CTNNA3: variants seen among roughly 807,000 people sequenced by gnomAD.
CTNNA3 encodes catenin alpha-3.
CTNNA3 carries 76 observed loss-of-function variants against 95.7 expected under a neutral mutation model. That is an observed-to-expected ratio of 0.79 (90% CI 0.66 to 0.96). The LOEUF is 0.96. CTNNA3 is among the 40% of genes least tolerant of loss of function. The probability of loss-of-function intolerance (pLI) is 0.00; values close to 1 mark genes in which losing one functional copy is unlikely to be tolerated. For missense variants in CTNNA3, 1,191 were observed against 1,089.8 expected, an observed-to-expected ratio of 1.09 and a Z score of -1.31; for synonymous variants, 431 against 374.4, an observed-to-expected ratio of 1.15 and a Z score of -1.74.
chr10:66,050,628 C>T (rs1276722179), intron 15 of CTNNA3, among the ~76,000 whole-genome samples: 1 of 152,162 alleles, frequency 6.6e-6, no homozygotes, highest in East Asian at 1.9e-4. Context: ...AGTTTTGATT[C>T]CAATCCTTTC....
chr10:66,305,197 A>C (rs1003773004), intron 12 of CTNNA3, among the ~76,000 whole-genome samples: 1 of 152,178 alleles, frequency 6.6e-6, no homozygotes, highest in African/African-American at 2.4e-5. Context: ...TTAGAATGAC[A>C]AAAACTATCT....
At chr10:66,942,433 C>T (rs1848045818) in intron 7 of CTNNA3, among the ~76,000 whole-genome samples, 1 of 152,108 alleles carries the variant, frequency 6.6e-6, no homozygotes, top group Non-Finnish European at 1.5e-5. Flanking sequence ...CAGAAAAATT[C>T]TGTTGTTAGT....
chr10:67,173,065 A>G (rs1220166524), intron 7 of CTNNA3, among the ~76,000 whole-genome samples: 1 of 152,212 alleles, frequency 6.6e-6, no homozygotes, highest in Non-Finnish European at 1.5e-5. Flanking sequence ...AGTAAATTAA[A>G]TTCTCTGTGA....
rs577193968 is a variant in CTNNA3, at chr10:66,569,963, G to A, written c.1375-49190C>T. On this transcript the variant is annotated intron_variant, in intron 10 of 17. Coordinates refer to ENST00000433211, the MANE Select transcript of CTNNA3 (RefSeq NM_013266.4). ...TTTGAAGGGCAATACTATGAAAGGA[G>A]AGTGAGCATAGGGAAGTTGTCTGCA... is the stretch of plus-strand genomic sequence containing the variant. 2.0e-4 allele frequency among the ~76,000 whole-genome samples: 30 copies of A among 152,264 alleles called. No individual in the cohort carries two copies. The South Asian group carries it at 6.0e-3, about 31-fold the overall frequency.
intron 2 of CTNNA3, among the ~76,000 whole-genome samples, chr10:67,630,330 T>C (rs1028404849): frequency 5.9e-5 from 9 of 152,356 alleles, no homozygotes; most frequent in Middle Eastern, 3.4e-3. Flanking sequence ...ACATATGTCA[T>C]GTCCAGGTGA....
chr10:66,564,827 A>C (rs1842656580), intron 10 of CTNNA3, among the ~76,000 whole-genome samples: 1 of 152,224 alleles, frequency 6.6e-6, no homozygotes, highest in African/African-American at 2.4e-5. Context: ...TTTACAATAA[A>C]TTAGTGGGGG....
intron 1 of CTNNA3, among the ~76,000 whole-genome samples, chr10:67,688,305 T>C (rs1331501542): frequency 1.3e-5 from 2 of 152,056 alleles, no homozygotes; most frequent in Non-Finnish European, 2.9e-5. Flanking sequence ...TTTGGAGATT[T>C]CTTTGTTTGT....
chr10:66,446,225 A>T (rs143040619), intron 11 of CTNNA3, among the ~76,000 whole-genome samples: 17,789 of 152,134 alleles, frequency 0.12, 1,494 homozygotes, highest in African/African-American at 0.24. Flanking sequence ...ATGGATTCAC[A>T]GCGGATTTCT....
At chr10:67,538,590 AG>A (rs1412785178) in intron 4 of CTNNA3, among the ~76,000 whole-genome samples, 3 of 151,838 alleles carry the variant, frequency 2.0e-5, no homozygotes, top group Admixed American at 6.6e-5. Context: ...AAAAAAAAAA[AG>A]AAAAAAGGAA....
rs553769241 is a variant in CTNNA3 at position 66,714,079 on chromosome 10, C to G, written c.1281+52185G>C. ...AATTAAGTTAAAGGCTTGAGGCACT[C>G]TCCAAAGAGGAGACCACACCCAAAA... On this transcript the variant is annotated intron_variant, in intron 9 of 17. Transcript: ENST00000433211. Among the ~76,000 whole-genome samples the G allele has an allele frequency of 4.3e-4, 66 of 152,246 alleles. 1 individual carries two copies. The highest frequency in any genetic ancestry group is 3.4e-3 in the Middle Eastern group (1 of 294).
chr10:66,285,847 T>A (rs2091578412), intron 12 of CTNNA3, among the ~76,000 whole-genome samples: 1 of 151,584 alleles, frequency 6.6e-6, no homozygotes, highest in African/African-American at 2.4e-5. Context: ...TTCGTGCAAC[T>A]GTTTTGGTTC....
At chr10:66,108,569 C>A (rs564288686) in intron 13 of CTNNA3, among the ~76,000 whole-genome samples, 1 of 152,182 alleles carries the variant, frequency 6.6e-6, no homozygotes, top group South Asian at 2.1e-4. Context: ...GGTCCTTTTT[C>A]ATGATTTTCA....
intron 15 of CTNNA3, among the ~76,000 whole-genome samples, chr10:66,017,560 A>G (rs1285509563): frequency 6.6e-6 from 1 of 152,144 alleles, no homozygotes; most frequent in Non-Finnish European, 1.5e-5. Flanking sequence ...CTATAGTGCT[A>G]TAGCTGTGAA....
chr10:67,510,920 T>G (rs1042047022), intron 5 of CTNNA3, among the ~76,000 whole-genome samples: 1 of 152,192 alleles, frequency 6.6e-6, no homozygotes, highest in Non-Finnish European at 1.5e-5. Context: ...CCCTTGTAAG[T>G]TGGATCCCTA....
At chr10:66,392,749 A>G (rs2092944041) in intron 11 of CTNNA3, among the ~76,000 whole-genome samples, 1 of 152,158 alleles carries the variant, frequency 6.6e-6, no homozygotes, top group South Asian at 2.1e-4. Context: ...GTGAAAATGT[A>G]GAGCAATAAG....
At chr10:66,288,545 C>T (rs572843649) in intron 12 of CTNNA3, among the ~76,000 whole-genome samples, 2 of 152,184 alleles carry the variant, frequency 1.3e-5, no homozygotes, top group South Asian at 2.1e-4. Flanking sequence ...CAGATATACG[C>T]TGCTATTTAA....
At chr10:66,372,591 G>T (rs1314114166) in intron 12 of CTNNA3, among the ~76,000 whole-genome samples, 1 of 152,204 alleles carries the variant, frequency 6.6e-6, no homozygotes, top group Non-Finnish European at 1.5e-5. Context: ...TACTGTATTA[G>T]TCTGTTCTCA....
At chr10:66,055,943 AG>A (rs2080077603) in intron 15 of CTNNA3, among the ~76,000 whole-genome samples, 14 of 150,786 alleles carry the variant, frequency 9.3e-5, no homozygotes, top group African/African-American at 3.2e-4. Flanking sequence ...AAAAAAAAAA[AG>A]ATATAAAATC....
At chr10:67,380,473 C>G (rs142918336) in intron 5 of CTNNA3, among the ~76,000 whole-genome samples, 29 of 152,226 alleles carry the variant, frequency 1.9e-4, no homozygotes, top group Middle Eastern at 3.4e-3. Context: ...AAAGTTAATT[C>G]AACAAATATG....
Sources: allele counts gnomAD v4.1 joint callset (sites outside exome capture counted in the v4.1 genomes callset), GRCh38; gene constraint gnomAD v4.1.1; transcripts MANE v1.5; gene names NCBI Gene and HGNC (gene_info 2026-07-23, HGNC 2026-07-21).